CEP83: variants seen among roughly 807,000 people sequenced by gnomAD.
CEP83 encodes the protein centrosomal protein 83.
Under a neutral mutation model 101.9 loss-of-function variants are expected in CEP83, and 70 were observed. That is an observed-to-expected ratio of 0.69 (90% CI 0.57 to 0.84). The LOEUF is 0.84. Among genes scored for constraint, CEP83 ranks in the 40% least tolerant of loss-of-function variants. CEP83 has a pLI of 0.00. For missense variants in CEP83, 715 were observed against 787.2 expected, an observed-to-expected ratio of 0.91 and a Z score of 1.10; for synonymous variants, 264 against 267.9, an observed-to-expected ratio of 0.99 and a Z score of 0.14.
At position 94,403,285 on chromosome 12, in the gene CEP83, C is replaced by T. The variant is rs374466858; in HGVS notation, c.325-23G>A. The stretch of plus-strand genomic sequence containing the variant: ...TATCTAATATGTAGAGAAATGCAAA[C>T]AATATAAAATCACATTAAAATCAAG... On this transcript the variant is annotated intron_variant, in intron 4 of 16. Transcript: ENST00000397809. The T allele has an allele frequency of 1.7e-5, 17 of 1,020,502 alleles. No individual in the cohort carries two copies. In the East Asian group the frequency reaches 3.4e-4, roughly 20 times the overall value. 63.2% of individuals were successfully genotyped at this position (1,020,502 alleles called of 1,614,324 possible). A position where few individuals can be genotyped will look rare whatever the true frequency, so the allele number is the denominator to read the frequency against.
intron 2 of CEP83, chr12:94,424,150 C>T (rs1052396527): frequency 3.1e-6 from 5 of 1,603,276 alleles, no homozygotes; most frequent in Non-Finnish European, 3.4e-6. Context: ...ACCGAGCAAG[C>T]ATCCTGTTGG....
At chr12:94,356,392 C>A (rs554065067) in intron 11 of CEP83, among the ~76,000 whole-genome samples, 30 of 152,314 alleles carry the variant, frequency 2.0e-4, no homozygotes, top group South Asian at 2.1e-4. Context: ...CCCTTCTGCA[C>A]CCCCTCATTA....
chr12:94,308,859 G>T lies in CEP83; in HGVS notation c.2060C>A (p.Thr687Lys). The T allele has an allele frequency of 6.2e-7, 1 of 1,612,868 alleles. No homozygotes were observed. Among genetic ancestry groups the T allele is most frequent in the Non-Finnish European group, 8.5e-7 (1 of 1,179,068 alleles). ...LLRKRLEELE[T>K]TQRKQLEELG... ...TTCCTCTAGTTGTTTTCTTTGTGTTGTTTCCAGTTCTTCTAGTCTTTTGCG... is the reference window on the plus strand; with the variant it reads ...TTCCTCTAGTTGTTTTCTTTGTGTTTTTTCCAGTTCTTCTAGTCTTTTGCG... Residue 687 changes from threonine (T) to lysine (K), a missense_variant, in exon 17 of 17, where the codon ACA (threonine) becomes AAA (lysine). Physicochemically the swap from Thr to Lys is moderately conservative, Grantham distance 78 (BLOSUM62 -1). Coordinates refer to ENST00000397809, the MANE Select transcript of CEP83 (RefSeq NM_016122.3).
intron 6 of CEP83, among the ~76,000 whole-genome samples, chr12:94,382,461 A>G (rs962378092): frequency 6.6e-6 from 1 of 151,504 alleles, no homozygotes; most frequent in African/African-American, 2.4e-5. Context: ...TTTCTAATGC[A>G]TGTATTTAGT....
At chr12:94,441,838 C>A (rs1218004779) in intron 1 of CEP83, among the ~76,000 whole-genome samples, 1 of 150,502 alleles carries the variant, frequency 6.6e-6, no homozygotes, top group East Asian at 2.0e-4. Context: ...TGGTGTGAAC[C>A]CAGGAGGCAG....
chr12:94,304,217 A>C (rs1968774397), downstream of CEP83: 1 of 543,758 alleles, frequency 1.8e-6, no homozygotes, highest in South Asian at 2.6e-5. Flanking sequence ...GACCCTGTAC[A>C]TGGCTGCCCC....
the CEP83 span, among the ~76,000 whole-genome samples, chr12:94,273,149 T>C: frequency 6.6e-6 from 1 of 152,234 alleles, no homozygotes; most frequent in Non-Finnish European, 1.5e-5. Flanking sequence ...AATGAACCTA[T>C]AATTGCATTC....
the CEP83 span, among the ~76,000 whole-genome samples, chr12:94,273,809 C>G: frequency 6.6e-6 from 1 of 152,112 alleles, no homozygotes; most frequent in Non-Finnish European, 1.5e-5. Context: ...GCACATGCAG[C>G]TATAAGTAAG....
chr12:94,403,190 G>T lies in CEP83; in HGVS notation c.397C>A (p.Arg133Ser). Reference sequence around the variant, plus strand: ...CTTACTTCATCTAGATTCCTAAAACGTTCTCTCATTGGAGTTTCTAATTCT... The same window carrying T: ...CTTACTTCATCTAGATTCCTAAAACTTTCTCTCATTGGAGTTTCTAATTCT... ...QQELETPMRE[R>S]FRNLDEEVEK... is the part of the protein sequence containing the mutation. The change falls in exon 5 of 17, where the codon CGT (arginine) becomes AGT (serine). Residue 133 changes from arginine to serine, a missense_variant. Arg to Ser is a moderately radical substitution (Grantham distance 110). Coordinates refer to ENST00000397809, the MANE Select transcript of CEP83 (RefSeq NM_016122.3). The T allele has an allele frequency of 6.4e-7, 1 of 1,567,180 alleles. No homozygotes were observed. The highest frequency in any genetic ancestry group is 8.8e-7 in the Non-Finnish European group (1 of 1,138,700).
At position 94,309,052 on chromosome 12, in the gene CEP83, CAGT is replaced by C. The variant is rs374696357; in HGVS notation, c.2002-138_2002-136del. ...GCTGACCACTGTAGCAGTCTAAAAA[CAGT>C]AGCATGGGCTAAACTACCATCTAGT... On this transcript the variant is annotated intron_variant, in intron 16 of 16. Coordinates refer to ENST00000397809, the MANE Select transcript of CEP83 (RefSeq NM_016122.3). 3.1e-5 allele frequency: 19 copies of C among 609,288 alleles called. No homozygotes were observed. In the African/African-American group the frequency reaches 3.3e-4, roughly 11 times the overall value. 37.7% of individuals were successfully genotyped at this position (609,288 alleles called of 1,614,324 possible).
chr12:94,441,379 A>G (rs1354998387), intron 1 of CEP83, among the ~76,000 whole-genome samples: 1 of 152,242 alleles, frequency 6.6e-6, no homozygotes, highest in African/African-American at 2.4e-5. Flanking sequence ...TGAATAGACA[A>G]TTCTCAAAAG....
At chr12:94,331,881 A>G in intron 13 of CEP83, 52 bp from the exon 14 acceptor site, 1 of 1,533,254 alleles carries the variant, frequency 6.5e-7, no homozygotes, top group Non-Finnish European at 9.0e-7. Flanking sequence ...TCTTAGGATT[A>G]AATAGATATT....
At position 94,400,929 on chromosome 12, in the gene CEP83, A is replaced by G; in HGVS notation, c.470T>C (p.Phe157Ser). The change falls in exon 6 of 17, where the codon TTT (phenylalanine) becomes TCT (serine). Residue 157 changes from phenylalanine (F) to serine (S), a missense_variant. Phe to Ser is a radical substitution (Grantham distance 155). Coordinates refer to ENST00000397809, the MANE Select transcript of CEP83 (RefSeq NM_016122.3). Reference sequence around the variant, plus strand: ...CTGGTGTTCAAATTCTGACTTGAGAAATGTATGTTCATAGCGAAGCTTATT... The same window carrying G: ...CTGGTGTTCAAATTCTGACTTGAGAGATGTATGTTCATAGCGAAGCTTATT... ...VYNKLRYEHT[F>S]LKSEFEHQKE... 6.6e-7 allele frequency: 1 copy of G among 1,515,496 alleles called. No homozygotes were observed. Among genetic ancestry groups the G allele is most frequent in the South Asian group, 1.4e-5 (1 of 71,032 alleles). 93.9% of individuals were successfully genotyped at this position (1,515,496 alleles called of 1,614,324 possible).
At chr12:94,362,628 C>A (rs1439186902) in intron 11 of CEP83, among the ~76,000 whole-genome samples, 3 of 152,060 alleles carry the variant, frequency 2.0e-5, no homozygotes, top group Non-Finnish European at 2.9e-5. Flanking sequence ...CAGAGTGAGA[C>A]CCTGTCTCAA....
Position 94,445,025 on chromosome 12 carries a change from CA to C in CEP83, c.-154-9699del, listed in dbSNP as rs957031917. On this transcript the variant is annotated intron_variant, in intron 1 of 16. Coordinates refer to ENST00000397809, the MANE Select transcript of CEP83 (RefSeq NM_016122.3). ...GGAAACACAAGGGACCCAGAAGAGC[CA>C]AAAAAAAAACTTTGAAAAAGAACAA... is the stretch of plus-strand genomic sequence containing the variant. 2.5e-3 allele frequency among the ~76,000 whole-genome samples: 358 copies of C among 141,392 alleles called. 1 individual carries two copies. The highest frequency in any genetic ancestry group is 8.2e-3 in the African/African-American group (314 of 38,476). 92.8% of individuals were successfully genotyped at this position (141,392 alleles called of 152,430 possible).
At chr12:94,389,178 C>G (rs963318300) in intron 6 of CEP83, among the ~76,000 whole-genome samples, 1 of 152,200 alleles carries the variant, frequency 6.6e-6, no homozygotes, top group East Asian at 1.9e-4. Context: ...AATCTTTAAA[C>G]TATATATAAA....
At chr12:94,335,718 T>C in intron 11 of CEP83, 54 bp from the exon 12 acceptor site, 1 of 1,172,862 alleles carries the variant, frequency 8.5e-7, no homozygotes. Flanking sequence ...ATTCATTTAT[T>C]TCACTGAATT....
chr12:94,343,603 C>T (rs1383729429), intron 11 of CEP83, among the ~76,000 whole-genome samples: 1 of 149,148 alleles, frequency 6.7e-6, no homozygotes, highest in Non-Finnish European at 1.5e-5. Flanking sequence ...CATTCTCCTG[C>T]CTCAGCCTCC....
At chr12:94,424,219 G>A (rs943624334) in intron 2 of CEP83, 65 of 1,612,172 alleles carry the variant, frequency 4.0e-5, no homozygotes, top group Non-Finnish European at 5.3e-5. Flanking sequence ...TGGGGTCATA[G>A]GTCAAGGCCA....
Sources: gnomAD v4.1 joint callset for allele counts (sites outside exome capture counted in the v4.1 genomes callset) on GRCh38, gnomAD v4.1.1 for gene constraint, MANE v1.5 for transcripts, NCBI Gene and HGNC (gene_info 2026-07-23, HGNC 2026-07-21) for gene names.